NLRP9: variants seen among roughly 807,000 people sequenced by gnomAD.
The protein encoded by NLRP9 is NACHT, LRR and PYD domains-containing protein 9.
NLRP9 carries 88 observed loss-of-function variants against 83.1 expected under a neutral mutation model. The ratio of observed to expected loss-of-function variants is 1.06; its 90% CI spans 0.89 to 1.26. NLRP9 has a LOEUF of 1.26. Among genes scored for constraint, NLRP9 ranks in the 50% most tolerant of loss-of-function variants. NLRP9 has a pLI of 0.00. For missense variants in NLRP9, 1,308 were observed against 1,179.3 expected, an observed-to-expected ratio of 1.11 and a Z score of -1.60; for synonymous variants, 521 against 447.6, an observed-to-expected ratio of 1.16 and a Z score of -2.07.
intron 8 of NLRP9, among the ~76,000 whole-genome samples, chr19:55,710,223 T>C (rs1987654481): frequency 6.6e-6 from 1 of 152,154 alleles, no homozygotes; most frequent in Non-Finnish European, 1.5e-5. Context: ...GACATTATTA[T>C]TATTATTTTA....
intron 4 of NLRP9, among the ~76,000 whole-genome samples, chr19:55,722,728 C>T (rs544340283): frequency 1.3e-5 from 2 of 152,252 alleles, no homozygotes; most frequent in East Asian, 3.9e-4. Context: ...TTCACAATAG[C>T]ACAGCCTTGG....
intron 3 of NLRP9, among the ~76,000 whole-genome samples, chr19:55,727,120 G>A (rs1988426537): frequency 6.6e-6 from 1 of 152,070 alleles, no homozygotes; most frequent in Non-Finnish European, 1.5e-5. Context: ...GGTGTGGTGG[G>A]GGGCACCTGT....
rs866885819 is a variant in NLRP9, at chr19:55,711,498, A to C, written c.2843+302T>G. ...GTAAGTAGAAGATGTTTTATAGAGC[A>C]GTGGTTCTCACCTGGTGCAACTGTG... On this transcript the variant is annotated intron_variant, in intron 8 of 8. Coordinates refer to ENST00000332836, the MANE Select transcript of NLRP9 (RefSeq NM_176820.4). 4.1e-5 allele frequency: 56 copies of C among 1,355,220 alleles called. No individual in the cohort carries two copies. In the African/African-American group the frequency reaches 6.9e-4, roughly 17 times the overall value. The allele number at this position is 1,355,220 out of a possible 1,614,324, so 83.9% of individuals were successfully genotyped here. A position where few individuals can be genotyped will look rare whatever the true frequency, so the allele number is the denominator to read the frequency against.
chr19:55,714,684 C>T (rs1029552050), intron 6 of NLRP9, among the ~76,000 whole-genome samples: 4 of 152,026 alleles, frequency 2.6e-5, no homozygotes, highest in Non-Finnish European at 4.4e-5. Context: ...TTATAGACAA[C>T]AGAAATGTAT....
rs1011024511 is a variant in NLRP9 at position 55,738,258 on chromosome 19, G to C, written c.117C>G (p.Leu39=). ...TCAGCTCAGCCCAGGGGATTGGCTTGAGTTCAAATTTCTCCAAAGGTTGTT... is the reference window on the plus strand; with the variant it reads ...TCAGCTCAGCCCAGGGGATTGGCTTCAGTTCAAATTTCTCCAAAGGTTGTT... ...LLKQPLEKFE[L]KPIPWAELKK... is the part of the protein sequence containing the mutation. The change falls in exon 1 of 9, where the codon CTC becomes CTG. Residue 39 remains leucine, a synonymous_variant. Transcript: ENST00000332836. 4.3e-6 allele frequency: 7 copies of C among 1,614,100 alleles called. No individual in the cohort carries two copies. The highest frequency in any genetic ancestry group is 5.1e-6 in the Non-Finnish European group (6 of 1,180,010).
intron 2 of NLRP9, among the ~76,000 whole-genome samples, chr19:55,731,699 G>A (rs939009689): frequency 2.1e-5 from 3 of 143,806 alleles, no homozygotes; most frequent in Non-Finnish European, 4.5e-5. Context: ...ACTCCAGCCT[G>A]GGTGATAGAG....
At chr19:55,729,481 CGTT>C (rs1988506316) in intron 3 of NLRP9, among the ~76,000 whole-genome samples, 1 of 151,998 alleles carries the variant, frequency 6.6e-6, no homozygotes, top group South Asian at 2.1e-4. Context: ...TGAGAACATG[CGTT>C]GTTTGGTTTT....
At chr19:55,724,734 C>T (rs1988347632) in intron 3 of NLRP9, among the ~76,000 whole-genome samples, 1 of 151,990 alleles carries the variant, frequency 6.6e-6, no homozygotes. Context: ...CTGTGTGGCC[C>T]AGTCTCTTCA....
At chr19:55,717,399 A>G (rs1376168133) in intron 4 of NLRP9, among the ~76,000 whole-genome samples, 2 of 152,196 alleles carry the variant, frequency 1.3e-5, no homozygotes, top group African/African-American at 4.8e-5. Flanking sequence ...GTAGGTTTGC[A>G]CTGAAGTTAG....
intron 2 of NLRP9, among the ~76,000 whole-genome samples, chr19:55,730,543 G>A (rs1021146816): frequency 3.3e-5 from 5 of 152,062 alleles, no homozygotes; most frequent in Admixed American, 2.6e-4. Flanking sequence ...TAAAGAAAAT[G>A]TGGTACATAT....
chr19:55,721,901 C>T (rs1004541634), intron 4 of NLRP9, among the ~76,000 whole-genome samples: 1 of 151,748 alleles, frequency 6.6e-6, no homozygotes. Flanking sequence ...ATTGTGAGGC[C>T]TCCCAAGCCA....
At chr19:55,720,632 G>T (rs1164005344) in intron 4 of NLRP9, among the ~76,000 whole-genome samples, 1 of 152,068 alleles carries the variant, frequency 6.6e-6, no homozygotes, top group African/African-American at 2.4e-5. Flanking sequence ...GCCTGGCAAT[G>T]ATTCCCTAAA....
rs1004602157 is a variant in NLRP9, at chr19:55,738,195, G to A, written c.180C>T (p.Asp60=). ...ASKEDVAKLL[D]KHYPGKQAWE... ...ATGCCTGCTTTCCTGGGTAATGTTT[G>A]TCCAGCAGCTTTGCTACATCTTCTT... Residue 60 remains aspartate, a synonymous_variant, in exon 1 of 9, where the codon GAC becomes GAT. Transcript: ENST00000332836. The A allele has an allele frequency of 6.2e-7, 1 of 1,614,102 alleles. No homozygotes were observed.
intron 6 of NLRP9, among the ~76,000 whole-genome samples, chr19:55,714,273 T>G (rs1438649629): frequency 1.3e-5 from 2 of 152,006 alleles, no homozygotes; most frequent in African/African-American, 2.4e-5. Flanking sequence ...TCTCGATTCT[T>G]TAAGGAGGAG....
In NLRP9 at chr19:55,729,941, G is replaced by C; in HGVS notation, c.1884C>G (p.Thr628=). 1 of 1,613,554 alleles carries C rather than the reference G, an allele frequency of 6.2e-7. No homozygotes were observed. Among genetic ancestry groups the C allele is most frequent in the Non-Finnish European group, 8.5e-7 (1 of 1,179,546 alleles). ...TGTCTAAAATCTGGAAGTTCTTGTT[G>C]GTAATGAACATTGAGCAAAGCTCCC... ...YWRELCSMFI[T]NKNFQILDME... The change falls in exon 3 of 9, where the codon ACC becomes ACG. Residue 628 remains threonine, a synonymous_variant. Coordinates refer to ENST00000332836, the MANE Select transcript of NLRP9 (RefSeq NM_176820.4).
intron 4 of NLRP9, among the ~76,000 whole-genome samples, chr19:55,717,763 G>C (rs1418960530): frequency 1.3e-5 from 2 of 152,186 alleles, no homozygotes; most frequent in Non-Finnish European, 2.9e-5. Context: ...TCCCAGAGGA[G>C]CTAGACACAG....
intron 3 of NLRP9, among the ~76,000 whole-genome samples, chr19:55,725,150 A>G (rs925025937): frequency 6.6e-6 from 1 of 152,232 alleles, no homozygotes; most frequent in Non-Finnish European, 1.5e-5. Flanking sequence ...TATGCCATAT[A>G]TGTGTATTTA....
Position 55,732,770 on chromosome 19 carries a change from C to A in NLRP9, c.1061G>T (p.Gly354Val), listed in dbSNP as rs781148285. 58 of 1,614,042 alleles carry A rather than the reference C, an allele frequency of 3.6e-5. 1 individual carries two copies. The Admixed American group carries it at 9.5e-4, about 26-fold the overall frequency. ...CTCVKQRLER[G>V]EDLEINSQNT... ...TTGGGAGTTTATTTCAAGGTCTTCT[C>A]CCCTCTCTAGCCTCTGTTTCACACA... Residue 354 changes from glycine (G) to valine (V), a missense_variant, in exon 2 of 9, where the codon GGA becomes GTA. Transcript: ENST00000332836.
chr19:55,729,685 G>T, intron 3 of NLRP9, 146 bp downstream of exon 3: 1 of 602,772 alleles, frequency 1.7e-6, no homozygotes, highest in Non-Finnish European at 2.8e-6. Flanking sequence ...GAATAGTGCC[G>T]CAATAAACAT....
Sources: gnomAD v4.1 joint callset for allele counts (sites outside exome capture counted in the v4.1 genomes callset) on GRCh38, gnomAD v4.1.1 for gene constraint, MANE v1.5 for transcripts, NCBI Gene and HGNC (gene_info 2026-07-23, HGNC 2026-07-21) for gene names.